Variants in HEATR4 observed in about 807,000 individuals in gnomAD.
HEATR4 encodes HEAT repeat-containing protein 4.
In HEATR4, 95 loss-of-function variants were observed where a neutral mutation model predicts 108.8. The observed-to-expected ratio is 0.87, with a 90% CI of 0.74 to 1.04. HEATR4 has a LOEUF of 1.04. HEATR4 is among the 50% of genes least tolerant of loss of function. The pLI, the probability that HEATR4 is intolerant of heterozygous loss-of-function variation, is 0.00. For missense variants in HEATR4, 1,152 were observed against 1,253.8 expected, an observed-to-expected ratio of 0.92 and a Z score of 1.23; for synonymous variants, 443 against 459.4, an observed-to-expected ratio of 0.96 and a Z score of 0.46.
the HEATR4 span, among the ~76,000 whole-genome samples, chr14:73,564,420 CA>C: frequency 0.012 from 1,796 of 151,724 alleles, 33 homozygotes; most frequent in African/African-American, 0.042. Context: ...GACCAGGCAA[CA>C]TAGGGAGACC....
chr14:73,536,516 T>TAAA (rs543491523), intron 1 of HEATR4, among the ~76,000 whole-genome samples: 746 of 59,306 alleles, frequency 0.013, 66 homozygotes, highest in African/African-American at 0.044. Context: ...CCTGTCTCTT[T>TAAA]AAAAAAAAAA....
intron 10 of HEATR4, among the ~76,000 whole-genome samples, chr14:73,503,610 G>A (rs1886620461): frequency 6.6e-6 from 1 of 152,130 alleles, no homozygotes. Context: ...TACCTCAAAA[G>A]CATCTCCTTC....
intron 1 of HEATR4, among the ~76,000 whole-genome samples, chr14:73,549,745 A>C (rs1889293013): frequency 1.5e-5 from 1 of 68,206 alleles, no homozygotes. Flanking sequence ...CCCCCCTCCC[A>C]CAGTAGCACC....
At chr14:73,496,503 T>TG in intron 15 of HEATR4, 98 bp downstream of exon 15, 1 of 727,332 alleles carries the variant, frequency 1.4e-6, no homozygotes, top group Non-Finnish European at 2.4e-6. Flanking sequence ...ACTTCTATGG[T>TG]GGGAAAAAGG....
chr14:73,481,295 G>C (rs531826032), intron 17 of HEATR4, among the ~76,000 whole-genome samples: 1 of 151,682 alleles, frequency 6.6e-6, no homozygotes, highest in Non-Finnish European at 1.5e-5. Context: ...AAAAATTAGC[G>C]GGGGGTGGCG....
chr14:73,583,549 G>A, the HEATR4 span, among the ~76,000 whole-genome samples: 2 of 148,102 alleles, frequency 1.4e-5, no homozygotes, highest in African/African-American at 4.9e-5. Flanking sequence ...GTGATGGTTC[G>A]ACAGTTACCA....
the HEATR4 span, among the ~76,000 whole-genome samples, chr14:73,603,990 C>T: frequency 1.3e-5 from 2 of 152,036 alleles, no homozygotes; most frequent in African/African-American, 4.8e-5. Context: ...CCTTGGCCTC[C>T]CAAAGTGCTG....
At chr14:73,586,359 AT>A in the HEATR4 span, among the ~76,000 whole-genome samples, 1 of 150,018 alleles carries the variant, frequency 6.7e-6, no homozygotes, top group Middle Eastern at 3.4e-3. Context: ...ACGCCATTGC[AT>A]TCCAGCCTGG....
At chr14:73,616,695 A>G in the HEATR4 span, 1 of 198,578 alleles carries the variant, frequency 5.0e-6, no homozygotes, top group Non-Finnish European at 1.0e-5. Flanking sequence ...ACTGTCAAAA[A>G]AAAATTTTTT....
At chr14:73,593,336 C>CTTTTTTTTTTTTTTT in the HEATR4 span, among the ~76,000 whole-genome samples, 9 of 104,868 alleles carry the variant, frequency 8.6e-5, no homozygotes, top group Non-Finnish European at 1.4e-4. Context: ...TTCTTTCTTT[C>CTTTTTTTTTTTTTTT]TTTTTTTTTT....
Position 73,549,254 on chromosome 14 carries a change from C to T in HEATR4, c.-152+9497G>A, listed in dbSNP as rs1414726258. The stretch of plus-strand genomic sequence containing the variant: ...CATGACAGTCACTTCCCAAATGCCT[C>T]GTGATGTGTGTGTGTGTCTGTGTGT... On this transcript the variant is annotated intron_variant, in intron 1 of 17. Transcript: ENST00000553558. Among the ~76,000 whole-genome samples, 11 of 113,018 alleles carry T rather than the reference C, an allele frequency of 9.7e-5. 3 individuals are homozygous for T. Among genetic ancestry groups the T allele is most frequent in the African/African-American group, 2.0e-4 (7 of 34,878 alleles). 74.1% of individuals were successfully genotyped at this position (113,018 alleles called of 152,430 possible).
the HEATR4 span, among the ~76,000 whole-genome samples, chr14:73,625,978 G>A: frequency 4.6e-5 from 7 of 152,230 alleles, no homozygotes; most frequent in African/African-American, 1.7e-4. Flanking sequence ...AGCCAAGATA[G>A]GCTGAAAGCC....
rs1403765673 is a variant in HEATR4, at chr14:73,538,753, G to A, written c.-151-8509C>T. ...AGCACTTTGGGAGGCCGAGGCAGGCGGATCAAGAGTTCGAGACCAGCCTGG... is the reference window on the plus strand; with the variant it reads ...AGCACTTTGGGAGGCCGAGGCAGGCAGATCAAGAGTTCGAGACCAGCCTGG... On this transcript the variant is annotated intron_variant, in intron 1 of 17. Coordinates refer to ENST00000553558, the MANE Select transcript of HEATR4 (RefSeq NM_001220484.1). Among the ~76,000 whole-genome samples, 4 of 113,538 alleles carry A rather than the reference G, an allele frequency of 3.5e-5. 1 individual carries two copies. The highest frequency in any genetic ancestry group is 1.4e-3 in the East Asian group (2 of 1,436). 74.5% of individuals were successfully genotyped at this position (113,538 alleles called of 152,430 possible).
intron 14 of HEATR4, among the ~76,000 whole-genome samples, chr14:73,497,577 C>G (rs192734546): frequency 1.2e-4 from 18 of 152,274 alleles, no homozygotes; most frequent in African/African-American, 3.6e-4. Flanking sequence ...AACTTGTTGT[C>G]CCAATAGGCA....
chr14:73,604,182 T>TTTTTTTTTA, the HEATR4 span, among the ~76,000 whole-genome samples: 1 of 131,494 alleles, frequency 7.6e-6, no homozygotes, highest in African/African-American at 3.3e-5. Flanking sequence ...TTTTTTTTTT[T>TTTTTTTTTA]GAGATGGAGT....
the HEATR4 span, among the ~76,000 whole-genome samples, chr14:73,591,363 CATGGTGTAACTCCCTCTTTACTA>C: frequency 1.3e-5 from 2 of 152,016 alleles, no homozygotes; most frequent in South Asian, 2.1e-4. Flanking sequence ...GCCTGGCCAA[CATGGTGTAACTCCCTCTTTACTA>C]AAAATACAAA....
intron 17 of HEATR4, among the ~76,000 whole-genome samples, chr14:73,480,056 T>C (rs1812828084): frequency 6.6e-6 from 1 of 152,248 alleles, no homozygotes; most frequent in African/African-American, 2.4e-5. Context: ...ACTTCACTAA[T>C]AAGTTATAAT....
chr14:73,546,260 C>T (rs1346218070), intron 1 of HEATR4, among the ~76,000 whole-genome samples: 1 of 114,380 alleles, frequency 8.7e-6, no homozygotes, highest in African/African-American at 2.8e-5. Context: ...GGATTATAGG[C>T]GTGAGCCACC....
In HEATR4 at chr14:73,553,000, C is replaced by T. The variant is rs1424721548; in HGVS notation, c.-152+5751G>A. On this transcript the variant is annotated intron_variant, in intron 1 of 17. Transcript: ENST00000553558. ...CACTATTCGGCATTCCTGACTCCCACTGTTCCTGGCTCACGGCCTGGCCAC... is the reference window on the plus strand; with the variant it reads ...CACTATTCGGCATTCCTGACTCCCATTGTTCCTGGCTCACGGCCTGGCCAC... Among the ~76,000 whole-genome samples, 4 of 115,018 alleles carry T rather than the reference C, an allele frequency of 3.5e-5. 2 individuals are homozygous for T. The highest frequency in any genetic ancestry group is 1.1e-4 in the African/African-American group (4 of 35,514). The allele number at this position is 115,018 out of a possible 152,430, so 75.5% of individuals were successfully genotyped here.
Sources: gnomAD v4.1 joint callset for allele counts (sites outside exome capture counted in the v4.1 genomes callset) on GRCh38, gnomAD v4.1.1 for gene constraint, MANE v1.5 for transcripts, NCBI Gene and HGNC (gene_info 2026-07-23, HGNC 2026-07-21) for gene names.